The following NRG4 variants were observed in gnomAD, a reference collection of about 807,000 sequenced individuals.
The protein encoded by NRG4 is neuregulin 4.
Under a neutral mutation model 15.0 loss-of-function variants are expected in NRG4, and 10 were observed. That is an observed-to-expected ratio of 0.67 (90% CI 0.41 to 1.13). The LOEUF is 1.13. NRG4 is among the 50% of genes most tolerant of loss of function. The pLI is 0.00. For synonymous variants in NRG4, 41 were observed against 50.1 expected (o/e 0.82, Z 0.77); for missense variants, 139 against 140.2 (o/e 0.99, Z 0.04).
At chr15:75,946,189 C>T (rs541877755) in intron 5 of NRG4, among the ~76,000 whole-genome samples, 23 of 152,152 alleles carry the variant, frequency 1.5e-4, no homozygotes, top group Non-Finnish European at 2.2e-4. Context: ...TAGAAGGGTG[C>T]GCAATTTAAA....
At chr15:76,036,167 T>C (rs567978263) in intron 4 of NRG4, among the ~76,000 whole-genome samples, 1 of 152,328 alleles carries the variant, frequency 6.6e-6, no homozygotes, top group South Asian at 2.1e-4. Context: ...ACAAAAAGAC[T>C]GAGTCAGGCC....
Position 75,977,185 on chromosome 15 carries a change from G to A in NRG4, c.105-15211C>T, listed in dbSNP as rs2033406353. 6.6e-6 allele frequency among the ~76,000 whole-genome samples: 1 copy of A among 152,144 alleles called. No homozygotes were observed. Among genetic ancestry groups the A allele is most frequent in the Non-Finnish European group, 1.5e-5 (1 of 68,016 alleles). The stretch of plus-strand genomic sequence containing the variant: ...ATGCCCCTCCCCCAACCAAGACTGA[G>A]CATCCCAGGTCGACTTCAGACTGCT... On this transcript the variant is annotated intron_variant, in intron 3 of 5. Transcript: ENST00000394907. This position sits in a 1 kb window ranked among gnomAD's most constrained non-coding sequence, Gnocchi z 4.9.
chr15:75,978,840 A>C (rs2033481090), intron 3 of NRG4, among the ~76,000 whole-genome samples: 1 of 152,142 alleles, frequency 6.6e-6, no homozygotes, highest in Non-Finnish European at 1.5e-5. Flanking sequence ...GCCTTCTTTT[A>C]AGAAATGTCT....
chr15:76,007,631 G>A (rs1056095062), intron 3 of NRG4, among the ~76,000 whole-genome samples: 19 of 151,956 alleles, frequency 1.3e-4, no homozygotes, highest in South Asian at 2.1e-4. Context: ...GGGTTTCACC[G>A]TGTTAGCCAG....
chr15:76,049,100 CT>C (rs1295033890), intron 4 of NRG4, among the ~76,000 whole-genome samples: 12 of 150,368 alleles, frequency 8.0e-5, no homozygotes, highest in Admixed American at 7.9e-4. Context: ...TCCAGGAAAA[CT>C]TCTCTGAAAT....
chr15:76,046,965 AT>A (rs771692422), intron 4 of NRG4, among the ~76,000 whole-genome samples: 52 of 151,162 alleles, frequency 3.4e-4, no homozygotes, highest in Non-Finnish European at 5.5e-4. Flanking sequence ...TAGCAAAAAA[AT>A]ATATACATAT....
chr15:75,953,813 G>A (rs335730), intron 5 of NRG4, among the ~76,000 whole-genome samples: 142,745 of 152,212 alleles, frequency 0.94, 67,257 homozygotes, highest in East Asian at 1. Context: ...CCACCTCCCA[G>A]GTAGCTGGGA....
chr15:75,937,990 A>G (rs1567061145), downstream of NRG4: 1 of 152,250 alleles, frequency 6.6e-6, no homozygotes, highest in Non-Finnish European at 1.5e-5. Flanking sequence ...GGGGATTTAA[A>G]ATGCGACATG....
intron 3 of NRG4, among the ~76,000 whole-genome samples, chr15:75,990,403 G>A (rs2033962876): frequency 6.6e-6 from 1 of 152,134 alleles, no homozygotes; most frequent in Non-Finnish European, 1.5e-5. Context: ...CAGGAAGGGA[G>A]CCCGGAAGAT....
rs1567116178 is a variant in NRG4, at chr15:76,023,166, AC to A, written c.-56-11881del. 7.4e-5 allele frequency among the ~76,000 whole-genome samples: 11 copies of A among 148,798 alleles called. No homozygotes were observed. The South Asian group carries it at 1.5e-3, about 20-fold the overall frequency. On this transcript the variant is annotated intron_variant, in intron 5 of 8. Transcript: ENST00000563910. ...CACACACACACACACACACACACAC[AC>A]ACACACACACACACACAAGCAAGGA...
In NRG4 at chr15:75,952,245, C is replaced by G. The variant is rs117823836; in HGVS notation, c.331+3687G>C. Among the ~76,000 whole-genome samples the G allele has an allele frequency of 5.5e-3, 835 of 152,294 alleles. 5 individuals carry two copies. The highest frequency in any genetic ancestry group is 9.0e-3 in the Non-Finnish European group (614 of 68,014). ...TAGCCGTCACTCCCCAACATCCCCC[C>G]ATTTCCTCCAATCCTAGGCAAACAT... is the stretch of plus-strand genomic sequence containing the variant. On this transcript the variant is annotated intron_variant, in intron 5 of 5. Coordinates refer to ENST00000394907, the MANE Select transcript of NRG4 (RefSeq NM_138573.4).
intron 3 of NRG4, among the ~76,000 whole-genome samples, chr15:75,985,346 C>G (rs567552593): frequency 6.6e-6 from 1 of 152,178 alleles, no homozygotes; most frequent in Non-Finnish European, 1.5e-5. Flanking sequence ...TCGAAGAGTT[C>G]CCTCCTAGTG....
At chr15:75,949,662 C>T (rs2031762004) in intron 5 of NRG4, among the ~76,000 whole-genome samples, 2 of 152,078 alleles carry the variant, frequency 1.3e-5, no homozygotes. Flanking sequence ...AAAATCTTTG[C>T]CTAATTCAAT....
intron 2 of NRG4, chr15:76,053,452 T>C (rs756340661): frequency 7.3e-5 from 11 of 151,070 alleles, no homozygotes; most frequent in South Asian, 2.1e-4. Flanking sequence ...GCACATAGAA[T>C]GGTGTCTGAC....
chr15:75,960,880 C>T (rs1248327636), intron 4 of NRG4, among the ~76,000 whole-genome samples: 2 of 152,102 alleles, frequency 1.3e-5, no homozygotes, highest in African/African-American at 2.4e-5. Flanking sequence ...GAAATAAAAT[C>T]TACTGGATTG....
chr15:75,978,715 T>A (rs977792647), intron 3 of NRG4, among the ~76,000 whole-genome samples: 19 of 152,200 alleles, frequency 1.2e-4, no homozygotes, highest in Non-Finnish European at 8.8e-5. Context: ...ATTTTTGTCT[T>A]TCTGATAATA....
Position 75,942,044 on chromosome 15 carries a change from A to G in NRG4, c.*1594T>C, listed in dbSNP as rs1480798361. 4.1e-5 allele frequency: 6 copies of G among 145,710 alleles called. No individual in the cohort carries two copies. The Admixed American group carries it at 4.2e-4, about 10-fold the overall frequency. 9.0% of individuals were successfully genotyped at this position (145,710 alleles called of 1,614,324 possible). On this transcript the variant is annotated 3_prime_UTR_variant, in exon 6 of 6. Coordinates refer to ENST00000394907, the MANE Select transcript of NRG4 (RefSeq NM_138573.4). Reference sequence around the variant, plus strand: ...CAAGACATAGAGGAACTTTAAGTGTATATTGCTAAGTGAAAGAAGTTAGTC... The same window carrying G: ...CAAGACATAGAGGAACTTTAAGTGTGTATTGCTAAGTGAAAGAAGTTAGTC...
chr15:75,945,049 C>G (rs1054281728), intron 5 of NRG4, among the ~76,000 whole-genome samples: 2 of 150,646 alleles, frequency 1.3e-5, no homozygotes, highest in African/African-American at 2.5e-5. Flanking sequence ...ACTGAACATT[C>G]TGGGGAAAAG....
intron 3 of NRG4, among the ~76,000 whole-genome samples, chr15:75,982,683 C>T (rs1210586406): frequency 2.0e-5 from 3 of 152,210 alleles, no homozygotes; most frequent in African/African-American, 7.2e-5. Flanking sequence ...TGGGGCTAAG[C>T]CACCTAGTGA....
Sources: allele counts gnomAD v4.1 joint callset (sites outside exome capture counted in the v4.1 genomes callset), GRCh38; gene constraint gnomAD v4.1.1; non-coding constraint Gnocchi (gnomAD v3.1); transcripts MANE v1.5; gene names NCBI Gene and HGNC (gene_info 2026-07-23, HGNC 2026-07-21).